The following RNF216 variants were observed in gnomAD, a reference collection of about 807,000 sequenced individuals.
The protein encoded by RNF216 is E3 ubiquitin-protein ligase RNF216.
Under a neutral mutation model 110.8 loss-of-function variants are expected in RNF216, and 72 were observed. The ratio of observed to expected loss-of-function variants is 0.65; its 90% confidence interval spans 0.54 to 0.79. RNF216 has a LOEUF of 0.79. RNF216 is among the 30% of genes least tolerant of loss of function. The pLI, the probability that RNF216 is intolerant of heterozygous loss-of-function variation, is 0.00. For missense variants in RNF216, 1,342 were observed against 1,141.2 expected (o/e 1.18, Z -2.54); for synonymous variants, 495 against 407.5 (o/e 1.21, Z -2.59).
intron 4 of RNF216, among the ~76,000 whole-genome samples, chr7:5,740,104 CTTTTTTTTTTTTTTTTTTT>C (rs71004698): frequency 1.3e-4 from 15 of 118,486 alleles, no homozygotes; most frequent in African/African-American, 4.8e-4. Context: ...GATGTAACAC[CTTTTTTTTTTTTTTTTTTT>C]TTTTTTTTTT....
intron 13 of RNF216, among the ~76,000 whole-genome samples, chr7:5,682,734 G>C (rs963170133): frequency 2.0e-5 from 3 of 152,118 alleles, no homozygotes; most frequent in Non-Finnish European, 2.9e-5. Flanking sequence ...TAAGTAGCAT[G>C]TAATAGAGTT....
intron 8 of RNF216, 48 bp from the exon 9 acceptor site, chr7:5,721,220 G>A: frequency 1.9e-6 from 3 of 1,574,770 alleles, no homozygotes; most frequent in South Asian, 1.1e-5. Flanking sequence ...CTATGTGTTA[G>A]GAACCTGGGC....
At chr7:5,737,224 C>A (rs936798629) in intron 5 of RNF216, among the ~76,000 whole-genome samples, 1 of 152,170 alleles carries the variant, frequency 6.6e-6, no homozygotes, top group African/African-American at 2.4e-5. Context: ...TACCTTACCC[C>A]CAACCCAGTG....
In RNF216 at chr7:5,681,486, C is replaced by T. The variant is rs118120700; in HGVS notation, c.2062-28976G>A. The stretch of plus-strand genomic sequence containing the variant: ...CTGTAGCCCTGACCCAGTGTGCCTC[C>T]CTCTCTAGTTTATTCCAAGGGGTGT... On this transcript the variant is annotated intron_variant, in intron 13 of 16. Transcript: ENST00000389902. Among the ~76,000 whole-genome samples, 938 of 152,240 alleles carry T rather than the reference C, an allele frequency of 6.2e-3. 3 individuals carry two copies. Among genetic ancestry groups the T allele is most frequent in the Admixed American group, 0.01 (156 of 15,294 alleles).
At chr7:5,773,961 T>C (rs1423086652) in intron 1 of RNF216, among the ~76,000 whole-genome samples, 7 of 152,196 alleles carry the variant, frequency 4.6e-5, no homozygotes, top group Non-Finnish European at 1.0e-4. Flanking sequence ...TTACAGCTAA[T>C]TTAGTTGAAA....
rs1005430462 is a variant in RNF216 at position 5,724,047 on chromosome 7, G to A, written c.1504+1277C>T. The stretch of plus-strand genomic sequence containing the variant: ...AACAAGAAACTGAATCAAATGAAAT[G>A]AAGTTAATGGGAAAATGTGAGATGC... On this transcript the variant is annotated intron_variant, in intron 8 of 16. Coordinates refer to ENST00000389902, the MANE Select transcript of RNF216 (RefSeq NM_207111.4). Among the ~76,000 whole-genome samples the A allele has an allele frequency of 2.0e-5, 3 of 152,208 alleles. 1 individual carries two copies. Among genetic ancestry groups the A allele is most frequent in the African/African-American group, 7.2e-5 (3 of 41,466 alleles).
chr7:5,729,920 A>C (rs1259561741), intron 6 of RNF216, among the ~76,000 whole-genome samples: 1 of 152,208 alleles, frequency 6.6e-6, no homozygotes, highest in Admixed American at 6.5e-5. Context: ...ACAGTCAAAG[A>C]ATCTATGGGG....
chr7:5,678,908 G>T (rs1017273710), intron 13 of RNF216, among the ~76,000 whole-genome samples: 1 of 152,220 alleles, frequency 6.6e-6, no homozygotes, highest in Non-Finnish European at 1.5e-5. Context: ...GAAGTGGGGA[G>T]CATGGCTGGT....
rs1786307375 is a variant in RNF216 at position 5,620,828 on chromosome 7, G to A, written c.*2032C>T. 1 of 152,364 alleles carries A rather than the reference G, an allele frequency of 6.6e-6. No individual in the cohort carries two copies. Among genetic ancestry groups the A allele is most frequent in the South Asian group, 2.1e-4 (1 of 4,836 alleles). 9.4% of individuals were successfully genotyped at this position (152,364 alleles called of 1,614,324 possible). A position where few individuals can be genotyped will look rare whatever the true frequency, so the allele number is the denominator to read the frequency against. The stretch of plus-strand genomic sequence containing the variant: ...GCTGGAGCCACGTGCCTAGGGTACA[G>A]GGCAGAGGGAGCTGAGGCTCCCAGG... On this transcript the variant is annotated 3_prime_UTR_variant, in exon 17 of 17. Coordinates refer to ENST00000389902, the MANE Select transcript of RNF216 (RefSeq NM_207111.4).
chr7:5,778,952 C>G (rs1796926077), intron 1 of RNF216, among the ~76,000 whole-genome samples: 2 of 152,328 alleles, frequency 1.3e-5, no homozygotes, highest in East Asian at 3.9e-4. Flanking sequence ...CCATGTTGGC[C>G]AGGCTGGTCT....
At chr7:5,770,290 C>T (rs1368648356) in intron 1 of RNF216, among the ~76,000 whole-genome samples, 1 of 151,718 alleles carries the variant, frequency 6.6e-6, no homozygotes, top group Non-Finnish European at 1.5e-5. Context: ...GGAGAAACCC[C>T]ATCCCTACTA....
intron 10 of RNF216, 79 bp downstream of exon 10, chr7:5,716,637 C>T (rs942932601): frequency 4.0e-6 from 5 of 1,248,070 alleles, no homozygotes. Flanking sequence ...AATTTGCCAT[C>T]AAAAATGCTG....
Position 5,781,604 on chromosome 7 carries a change from C to G in RNF216, c.-133G>C, listed in dbSNP as rs1797097248. On this transcript the variant is annotated 5_prime_UTR_variant, in exon 1 of 17. Transcript: ENST00000389902. ...GGCCTTCGCTACCGCGCCGCTTACT[C>G]CTCAGAAGCCGCAGCTGCGAGCTCC... The G allele has an allele frequency of 2.6e-5, 4 of 152,300 alleles. No homozygotes were observed. The allele number at this position is 152,300 out of a possible 1,614,324, so 9.4% of individuals were successfully genotyped here.
chr7:5,715,263 A>G (rs1411835221), intron 10 of RNF216, 73 bp from the exon 11 acceptor site: 2 of 1,483,484 alleles, frequency 1.3e-6, no homozygotes, highest in African/African-American at 1.4e-5. Flanking sequence ...TCCCATCCTC[A>G]TCTCTCTGCC....
intron 13 of RNF216, among the ~76,000 whole-genome samples, chr7:5,708,412 G>T (rs1792438912): frequency 2.0e-5 from 3 of 152,150 alleles, no homozygotes; most frequent in African/African-American, 7.2e-5. Context: ...CTGATGTCGG[G>T]TGCATATACA....
intron 13 of RNF216, among the ~76,000 whole-genome samples, chr7:5,706,519 T>G (rs1276181935): frequency 2.0e-5 from 3 of 152,236 alleles, no homozygotes; most frequent in Non-Finnish European, 4.4e-5. Flanking sequence ...CTGAACACAA[T>G]GTCCCTCAAG....
At chr7:5,638,381 G>A (rs1787528260) in intron 15 of RNF216, among the ~76,000 whole-genome samples, 1 of 152,128 alleles carries the variant, frequency 6.6e-6, no homozygotes, top group South Asian at 2.1e-4. Context: ...ACAGAACTTT[G>A]TGAACTTGTC....
At chr7:5,708,423 G>A (rs1792440000) in intron 13 of RNF216, among the ~76,000 whole-genome samples, 1 of 152,194 alleles carries the variant, frequency 6.6e-6, no homozygotes, top group African/African-American at 2.4e-5. Flanking sequence ...TGCATATACA[G>A]ATGGTCTCCA....
intron 13 of RNF216, among the ~76,000 whole-genome samples, chr7:5,653,911 T>C (rs547175179): frequency 2.0e-5 from 3 of 152,280 alleles, no homozygotes; most frequent in African/African-American, 7.2e-5. Context: ...CTGCAGACAG[T>C]AAGCATGGCC....
Sources: allele counts gnomAD v4.1 joint callset (sites outside exome capture counted in the v4.1 genomes callset), GRCh38; gene constraint gnomAD v4.1.1; transcripts MANE v1.5; gene names NCBI Gene and HGNC (gene_info 2026-07-23, HGNC 2026-07-21).